CEP162: variants seen among roughly 807,000 people sequenced by gnomAD.
CEP162 encodes the protein centrosomal protein of 162 kDa.
A neutral mutation model predicts 169.2 loss-of-function variants in CEP162; 141 were observed. The observed-to-expected ratio is 0.83, with a 90% CI of 0.73 to 0.96. The LOEUF is 0.96. Ranked by LOEUF, CEP162 falls within the 40% of genes least tolerant of loss-of-function variation. The probability of loss-of-function intolerance (pLI) is 0.00; values close to 1 mark genes in which losing one functional copy is unlikely to be tolerated. For synonymous variants in CEP162, 540 were observed against 526.4 expected, an observed-to-expected ratio of 1.03 and a Z score of -0.35; for missense variants, 1,600 against 1,587.2, an observed-to-expected ratio of 1.01 and a Z score of -0.14.
At chr6:84,186,250 C>A (rs1414929007) in intron 12 of CEP162, 82 bp downstream of exon 12, 1 of 751,814 alleles carries the variant, frequency 1.3e-6, no homozygotes, top group African/African-American at 1.8e-5. Context: ...GTTTAAAAAG[C>A]ACACACCTAC....
Position 84,215,738 on chromosome 6 carries a change from T to C in CEP162, c.319+38A>G, listed in dbSNP as rs185214230. ...GTAATTCTGAATATAAGCATAACAATTAATAATTTACCAACTCATATCCCT... is the reference window on the plus strand; with the variant it reads ...GTAATTCTGAATATAAGCATAACAACTAATAATTTACCAACTCATATCCCT... On this transcript the variant is annotated intron_variant, in intron 4 of 26. Coordinates refer to ENST00000403245, the MANE Select transcript of CEP162 (RefSeq NM_014895.4). 9.3e-3 allele frequency: 14,371 copies of C among 1,544,612 alleles called. 87 individuals are homozygous for C. Among genetic ancestry groups the C allele is most frequent in the Non-Finnish European group, 0.011 (12,236 of 1,144,294 alleles).
intron 2 of CEP162, among the ~76,000 whole-genome samples, chr6:84,221,715 T>C (rs2127757122): frequency 6.6e-6 from 1 of 152,166 alleles, no homozygotes. Flanking sequence ...CTAACCTCAG[T>C]ATCACCCCCC....
chr6:84,130,412 GA>G (rs1451430479), intron 25 of CEP162, among the ~76,000 whole-genome samples: 10 of 152,128 alleles, frequency 6.6e-5, no homozygotes, highest in African/African-American at 2.2e-4. Context: ...CTATTGTGTG[GA>G]ATAGTTTCAG....
chr6:84,134,423 T>A (rs937490064), intron 25 of CEP162, among the ~76,000 whole-genome samples: 6 of 152,202 alleles, frequency 3.9e-5, no homozygotes, highest in Non-Finnish European at 8.8e-5. Context: ...TAGCTCAGTG[T>A]CTGCCCAAAC....
intron 10 of CEP162, 57 bp from the exon 11 acceptor site, chr6:84,193,747 C>T (rs1381060642): frequency 3.0e-6 from 3 of 1,013,430 alleles, no homozygotes; most frequent in Non-Finnish European, 4.4e-6. Flanking sequence ...GCTTAATTTA[C>T]ATGTGTAATA....
intron 11 of CEP162, among the ~76,000 whole-genome samples, chr6:84,187,176 T>C (rs1478348889): frequency 6.6e-6 from 1 of 152,122 alleles, no homozygotes; most frequent in African/African-American, 2.4e-5. Flanking sequence ...AAGAAAATCA[T>C]TTCTGTGGTT....
intron 21 of CEP162, among the ~76,000 whole-genome samples, chr6:84,159,445 T>C (rs959598213): frequency 1.4e-5 from 2 of 147,040 alleles, no homozygotes; most frequent in African/African-American, 5.0e-5. Flanking sequence ...TCTAAGTCTT[T>C]AGCACTAAAG....
rs555130573 is a variant in CEP162 at position 84,182,551 on chromosome 6, C to T, written c.1663+2636G>A. Among the ~76,000 whole-genome samples, 10 of 152,240 alleles carry T rather than the reference C, an allele frequency of 6.6e-5. No homozygotes were observed. In the East Asian group the frequency reaches 1.9e-3, roughly 29 times the overall value. On this transcript the variant is annotated intron_variant, in intron 13 of 26. Transcript: ENST00000403245. ...AACGTACATAAACGTACTCAACCCC[C>T]TGAACTCCATTCAACTTACGGCCAC...
At chr6:84,141,975 A>G (rs1423727260) in intron 25 of CEP162, among the ~76,000 whole-genome samples, 1 of 152,190 alleles carries the variant, frequency 6.6e-6, no homozygotes, top group African/African-American at 2.4e-5. Context: ...GTCCTTTCTC[A>G]GTCTCTCAGA....
chr6:84,206,007 T>C (rs1293896451), intron 6 of CEP162, among the ~76,000 whole-genome samples: 7 of 148,616 alleles, frequency 4.7e-5, no homozygotes, highest in African/African-American at 1.8e-4. Flanking sequence ...GAATCCAACT[T>C]ACAAGGGATG....
intron 13 of CEP162, among the ~76,000 whole-genome samples, chr6:84,180,856 A>G (rs1030878871): frequency 2.0e-5 from 3 of 152,192 alleles, no homozygotes; most frequent in Middle Eastern, 3.4e-3. Flanking sequence ...GGACACAAAC[A>G]AATGGAAGAA....
At position 84,215,403 on chromosome 6, in the gene CEP162, GTTC is replaced by G. The variant is rs1562094019; in HGVS notation, c.379_381del (p.Glu127del). ...GCAAAAAATTGTTCTTTCTCCTCTTGTTCTTCTAATGTGTCCAATCCCACTCCG... is the reference window on the plus strand; with the variant it reads ...GCAAAAAATTGTTCTTTCTCCTCTTGTTCTAATGTGTCCAATCCCACTCCG... On this transcript the variant is annotated inframe_deletion, in exon 5 of 27. Coordinates refer to ENST00000403245, the MANE Select transcript of CEP162 (RefSeq NM_014895.4). 6.2e-7 allele frequency: 1 copy of G among 1,610,538 alleles called. No homozygotes were observed. Among genetic ancestry groups the G allele is most frequent in the Non-Finnish European group, 8.5e-7 (1 of 1,178,082 alleles).
At chr6:84,205,503 T>A (rs781450859) in intron 6 of CEP162, among the ~76,000 whole-genome samples, 27 of 152,166 alleles carry the variant, frequency 1.8e-4, no homozygotes, top group Non-Finnish European at 3.4e-4. Flanking sequence ...GAAAAGGCCT[T>A]TGACAAAATT....
In CEP162 at chr6:84,185,322, C is replaced by T; in HGVS notation, c.1528G>A (p.Val510Ile). Residue 510 changes from valine (V) to isoleucine (I), a missense_variant, in exon 13 of 27, where the codon GTT becomes ATT. Val to Ile is a conservative substitution (Grantham distance 29). Coordinates refer to ENST00000403245, the MANE Select transcript of CEP162 (RefSeq NM_014895.4). ...GGTTTGCCATAGCCTGAGCTCCTAA[C>T]TGACGCATATAATCCACTCTGGGGT... ...RKPQSGLYASVRSSGYGKPSS... is the reference protein window; with the variant it reads ...RKPQSGLYASIRSSGYGKPSS... 1 of 1,613,734 alleles carries T rather than the reference C, an allele frequency of 6.2e-7. No individual in the cohort carries two copies. The highest frequency in any genetic ancestry group is 1.1e-5 in the South Asian group (1 of 91,074).
At chr6:84,139,267 C>T (rs1378138948) in intron 25 of CEP162, among the ~76,000 whole-genome samples, 3 of 152,176 alleles carry the variant, frequency 2.0e-5, no homozygotes, top group Admixed American at 2.0e-4. Flanking sequence ...TACATTCCCA[C>T]AGTTTCCCAC....
intron 25 of CEP162, among the ~76,000 whole-genome samples, chr6:84,131,214 G>A (rs2129184762): frequency 6.6e-6 from 1 of 152,300 alleles, no homozygotes; most frequent in Non-Finnish European, 1.5e-5. Context: ...ACTGTGGTCT[G>A]AGAGACTGTT....
intron 7 of CEP162, among the ~76,000 whole-genome samples, chr6:84,203,678 G>A (rs1333966570): frequency 1.3e-5 from 2 of 152,052 alleles, no homozygotes; most frequent in African/African-American, 2.4e-5. Context: ...CCTTGAGCTC[G>A]TGGGCTCGAA....
intron 25 of CEP162, among the ~76,000 whole-genome samples, chr6:84,144,577 G>A (rs1201249809): frequency 6.6e-6 from 1 of 152,080 alleles, no homozygotes; most frequent in Non-Finnish European, 1.5e-5. Context: ...TTCATGGAAA[G>A]CACTCTGACA....
In CEP162 at chr6:84,142,454, A is replaced by G. The variant is rs2099517088; in HGVS notation, c.3870+4233T>C. On this transcript the variant is annotated intron_variant, in intron 25 of 26. Transcript: ENST00000403245. ...CATTTTTTTTCTACCTTTGGACGGTATTGTCAAAAGTAATTCATAAAAGAG... is the reference window on the plus strand; with the variant it reads ...CATTTTTTTTCTACCTTTGGACGGTGTTGTCAAAAGTAATTCATAAAAGAG... 2.6e-5 allele frequency among the ~76,000 whole-genome samples: 4 copies of G among 152,068 alleles called. No homozygotes were observed. The South Asian group carries it at 8.3e-4, about 31-fold the overall frequency.
Sources: gnomAD v4.1 joint callset for allele counts (sites outside exome capture counted in the v4.1 genomes callset) on GRCh38, gnomAD v4.1.1 for gene constraint, MANE v1.5 for transcripts, NCBI Gene and HGNC (gene_info 2026-07-23, HGNC 2026-07-21) for gene names.